ILDR2: variants seen among roughly 807,000 people sequenced by gnomAD.
ILDR2 encodes immunoglobulin-like domain-containing receptor 2.
In ILDR2, 25 loss-of-function variants were observed where a neutral mutation model predicts 66.8. That is an observed-to-expected ratio of 0.37 (90% confidence interval 0.27 to 0.52). The LOEUF (loss-of-function observed/expected upper bound fraction) is 0.52, where lower values mean the gene tolerates loss of function less well. Among genes scored for constraint, ILDR2 ranks in the 20% least tolerant of loss-of-function variants. The pLI is 0.88. For missense variants in ILDR2, 827 were observed against 876.8 expected, an observed-to-expected ratio of 0.94 and a Z score of 0.72; for synonymous variants, 367 against 357.2, an observed-to-expected ratio of 1.03 and a Z score of -0.31.
At chr1:166,968,379 G>A (rs1057036910) in intron 1 of ILDR2, among the ~76,000 whole-genome samples, 56 of 151,940 alleles carry the variant, frequency 3.7e-4, no homozygotes, top group Admixed American at 2.8e-3. Flanking sequence ...GCTTCTTCCT[G>A]TTCTTACAGC....
chr1:166,903,406 G>A (rs972388489), downstream of ILDR2, among the ~76,000 whole-genome samples: 1 of 152,150 alleles, frequency 6.6e-6, no homozygotes, highest in African/African-American at 2.4e-5. Flanking sequence ...TTGCATGGTT[G>A]GTCACTCAAG....
intron 1 of ILDR2, among the ~76,000 whole-genome samples, chr1:166,959,648 A>G (rs1260165404): frequency 6.6e-6 from 1 of 152,220 alleles, no homozygotes; most frequent in Non-Finnish European, 1.5e-5. Context: ...GGTGACCAAG[A>G]AAGAATGAGA....
At chr1:166,930,878 A>C (rs1308679250) in intron 6 of ILDR2, among the ~76,000 whole-genome samples, 1 of 152,238 alleles carries the variant, frequency 6.6e-6, no homozygotes, top group African/African-American at 2.4e-5. Context: ...TTGTCTGAAG[A>C]TCACAGAACT....
chr1:166,947,567 C>G (rs1228198013), intron 3 of ILDR2, among the ~76,000 whole-genome samples: 2 of 152,226 alleles, frequency 1.3e-5, no homozygotes, highest in Non-Finnish European at 2.9e-5. Context: ...AATGGGACAA[C>G]TGTCTCCTGC....
chr1:166,973,268 A>T (rs1663407508), intron 1 of ILDR2, among the ~76,000 whole-genome samples: 1 of 152,162 alleles, frequency 6.6e-6, no homozygotes, highest in South Asian at 2.1e-4. Flanking sequence ...CAAAACAAAA[A>T]TAAAACAAAA....
chr1:166,959,851 T>C (rs1662507249), intron 1 of ILDR2, among the ~76,000 whole-genome samples: 1 of 152,144 alleles, frequency 6.6e-6, no homozygotes, highest in Non-Finnish European at 1.5e-5. Flanking sequence ...AAAACGAATA[T>C]GAAGATATGA....
At position 166,910,231 on chromosome 1, in the gene ILDR2, T is replaced by C. The variant is rs928242393; in HGVS notation, c.*9124A>G. On this transcript the variant is annotated 3_prime_UTR_variant, in exon 10 of 10. Transcript: ENST00000271417. ...AAGCACACTTTAAAATAGCTTTAAATCACAAAAGGCATGCACCTAAATCCC... is the reference window on the plus strand; with the variant it reads ...AAGCACACTTTAAAATAGCTTTAAACCACAAAAGGCATGCACCTAAATCCC... 1 of 152,066 alleles carries C rather than the reference T, an allele frequency of 6.6e-6. No individual in the cohort carries two copies. Among genetic ancestry groups the C allele is most frequent in the African/African-American group, 2.4e-5 (1 of 41,418 alleles). 9.4% of individuals were successfully genotyped at this position (152,066 alleles called of 1,614,324 possible).
chr1:166,904,040 A>G (rs1659302143), downstream of ILDR2, among the ~76,000 whole-genome samples: 1 of 152,172 alleles, frequency 6.6e-6, no homozygotes, highest in Non-Finnish European at 1.5e-5. Flanking sequence ...CCCTCGCTGG[A>G]ATTTGAACTC....
intron 7 of ILDR2, among the ~76,000 whole-genome samples, chr1:166,925,451 T>G (rs1660220638): frequency 6.6e-6 from 1 of 152,196 alleles, no homozygotes; most frequent in Admixed American, 6.5e-5. Context: ...TCTACCTTAG[T>G]GAAGGGGACG....
chr1:166,969,129 C>CAAA (rs892444438), intron 1 of ILDR2, among the ~76,000 whole-genome samples: 2 of 151,902 alleles, frequency 1.3e-5, no homozygotes, highest in African/African-American at 4.8e-5. Context: ...ACAACAACAA[C>CAAA]AAAAAAAGAC....
chr1:166,896,942 T>A (rs1444629596), intron 2 of ILDR2, among the ~76,000 whole-genome samples: 1 of 152,210 alleles, frequency 6.6e-6, no homozygotes, highest in Admixed American at 6.5e-5. Flanking sequence ...GCCTACTTTT[T>A]TTACTTTAAA....
At chr1:166,961,961 C>T (rs185037558) in intron 1 of ILDR2, among the ~76,000 whole-genome samples, 73 of 152,218 alleles carry the variant, frequency 4.8e-4, no homozygotes, top group Non-Finnish European at 5.3e-4. Flanking sequence ...CACATGCATA[C>T]ACATGTATAC....
Position 166,956,712 on chromosome 1 carries a change from T to A in ILDR2, c.499+21A>T, listed in dbSNP as rs1662305152. The A allele has an allele frequency of 3.1e-6, 5 of 1,612,272 alleles. No individual in the cohort carries two copies. In the South Asian group the frequency reaches 5.5e-5, roughly 18 times the overall value. Reference sequence around the variant, plus strand: ...GTGCAAGTGGTCTAAGATGAAAATGTCACCTGTTGTTTTCACTTACCCAAC... The same window carrying A: ...GTGCAAGTGGTCTAAGATGAAAATGACACCTGTTGTTTTCACTTACCCAAC... On this transcript the variant is annotated intron_variant, in intron 3 of 9. Coordinates refer to ENST00000271417, the MANE Select transcript of ILDR2 (RefSeq NM_199351.3).
intron 7 of ILDR2, among the ~76,000 whole-genome samples, chr1:166,925,110 C>T (rs1660200164): frequency 6.6e-6 from 1 of 152,146 alleles, no homozygotes; most frequent in Non-Finnish European, 1.5e-5. Context: ...CCCTAAACAA[C>T]CCCCACCATT....
Position 166,950,588 on chromosome 1 carries a change from C to T in ILDR2, c.499+6145G>A, listed in dbSNP as rs547733738. On this transcript the variant is annotated intron_variant, in intron 3 of 9. Coordinates refer to ENST00000271417, the MANE Select transcript of ILDR2 (RefSeq NM_199351.3). ...CCCATTAAACATCCCTAAAGTCAAT[C>T]GCAAATTCTGAGACGTCCCCTCCCA... Among the ~76,000 whole-genome samples the T allele has an allele frequency of 9.9e-5, 15 of 152,220 alleles. No individual in the cohort carries two copies. In the South Asian group the frequency reaches 2.5e-3, roughly 25 times the overall value.
In ILDR2 at chr1:166,916,581, G is replaced by A. The variant is rs910847113; in HGVS notation, c.*2774C>T. ...GAGAAGAAACAAAAGGACACATAGA[G>A]GAAAGTCAGGGGTGCTGAGGACAAG... is the stretch of plus-strand genomic sequence containing the variant. On this transcript the variant is annotated 3_prime_UTR_variant, in exon 10 of 10. Coordinates refer to ENST00000271417, the MANE Select transcript of ILDR2 (RefSeq NM_199351.3). The A allele has an allele frequency of 4.6e-5, 7 of 152,232 alleles. No individual in the cohort carries two copies. Among genetic ancestry groups the A allele is most frequent in the African/African-American group, 1.7e-4 (7 of 41,460 alleles). 9.4% of individuals were successfully genotyped at this position (152,232 alleles called of 1,614,324 possible).
At chr1:166,974,479 C>G (rs1663476881) in intron 1 of ILDR2, among the ~76,000 whole-genome samples, 1 of 152,248 alleles carries the variant, frequency 6.6e-6, no homozygotes, top group Non-Finnish European at 1.5e-5. Flanking sequence ...GAGGACCCAG[C>G]TAGACCAGTG....
At chr1:166,904,555 C>G (rs1211554311), downstream of ILDR2, among the ~76,000 whole-genome samples, 1 of 152,224 alleles carries the variant, frequency 6.6e-6, no homozygotes, top group African/African-American at 2.4e-5. Context: ...TTCAGGAGAT[C>G]TGGATGCTAG....
At chr1:166,955,018 A>G (rs1464343608) in intron 3 of ILDR2, among the ~76,000 whole-genome samples, 1 of 152,198 alleles carries the variant, frequency 6.6e-6, no homozygotes, top group Admixed American at 6.5e-5. Context: ...TGTGGGCTCA[A>G]TGAGCCACTT....
Sources: allele counts gnomAD v4.1 joint callset (sites outside exome capture counted in the v4.1 genomes callset), GRCh38; gene constraint gnomAD v4.1.1; transcripts MANE v1.5; gene names NCBI Gene and HGNC (gene_info 2026-07-23, HGNC 2026-07-21).